Variants in DUOX2 observed in about 807,000 individuals in gnomAD.
DUOX2 encodes the protein dual oxidase 2.
In DUOX2, 185 loss-of-function variants were observed where a neutral mutation model predicts 183.3. The observed-to-expected ratio is 1.01, with a 90% CI of 0.90 to 1.14. The LOEUF is 1.14. Ranked by LOEUF, DUOX2 falls within the 50% of genes most tolerant of loss-of-function variation. DUOX2 has a pLI of 0.00. For synonymous variants in DUOX2, 788 were observed against 812.4 expected, an observed-to-expected ratio of 0.97 and a Z score of 0.51; for missense variants, 1,999 against 2,022.9, an observed-to-expected ratio of 0.99 and a Z score of 0.23.
chr15:45,102,719 C>T lies in DUOX2; in HGVS notation c.2655-730G>A, dbSNP rs1028121984. On this transcript the variant is annotated intron_variant, in intron 20 of 33. Coordinates refer to ENST00000389039, the MANE Select transcript of DUOX2 (RefSeq NM_001363711.2). ...GGAATTCACCAGGTGTGGTGGCTCA[C>T]GCCTGTAACCCTAGCACTTTAGGAG... Among the ~76,000 whole-genome samples, 6 of 152,196 alleles carry T rather than the reference C, an allele frequency of 3.9e-5. No individual in the cohort carries two copies. In the East Asian group the frequency reaches 5.8e-4, roughly 15 times the overall value.
At position 45,100,025 on chromosome 15, in the gene DUOX2, A is replaced by T. The variant is rs1420337669; in HGVS notation, c.3184+25T>A. On this transcript the variant is annotated intron_variant, in intron 24 of 33. Transcript: ENST00000389039. ...AAGGGTCAGAGCCTGCTCCCTACCCACTGCCCACAGCCTGGAACTCTTACA... is the reference window on the plus strand; with the variant it reads ...AAGGGTCAGAGCCTGCTCCCTACCCTCTGCCCACAGCCTGGAACTCTTACA... The T allele has an allele frequency of 2.5e-6, 4 of 1,614,042 alleles. No individual in the cohort carries two copies. The South Asian group carries it at 3.3e-5, about 13-fold the overall frequency.
At position 45,096,064 on chromosome 15, in the gene DUOX2, G is replaced by A. The variant is rs775841358; in HGVS notation, c.3848-4C>T. ...TGGAATTGCAGGTAGGTCACTCCTG[G>A]AGGTCATAGACAGGGAAAAGCACAG... is the stretch of plus-strand genomic sequence containing the variant. On this transcript the variant is annotated splice_region_variant and splice_polypyrimidine_tract_variant and intron_variant, in intron 29 of 33. Coordinates refer to ENST00000389039, the MANE Select transcript of DUOX2 (RefSeq NM_001363711.2). The A allele has an allele frequency of 6.2e-7, 1 of 1,612,688 alleles. No individual in the cohort carries two copies. Among genetic ancestry groups the A allele is most frequent in the Non-Finnish European group, 8.5e-7 (1 of 1,178,688 alleles).
At chr15:45,095,188 T>G (rs1057051157) in intron 31 of DUOX2, 97 bp from the exon 32 acceptor site, 1 of 1,503,840 alleles carries the variant, frequency 6.6e-7, no homozygotes, top group Non-Finnish European at 8.9e-7. Flanking sequence ...CCAGACCACC[T>G]GCAGACACCA....
At chr15:45,109,015 C>G in intron 11 of DUOX2, 63 bp from the exon 12 acceptor site, 1 of 1,596,280 alleles carries the variant, frequency 6.3e-7, no homozygotes, top group Non-Finnish European at 8.6e-7. Flanking sequence ...GCCCTGCAGC[C>G]TTGTATCTGA....
intron 9 of DUOX2, among the ~76,000 whole-genome samples, 169 bp from the exon 10 acceptor site, chr15:45,110,149 G>A (rs112599029): frequency 6.6e-6 from 1 of 152,090 alleles, no homozygotes; most frequent in African/African-American, 2.4e-5. Context: ...GATAGAGTGC[G>A]CTCCTAGTCC....
At chr15:45,109,847 C>A in intron 10 of DUOX2, 43 bp downstream of exon 10, 1 of 1,584,788 alleles carries the variant, frequency 6.3e-7, no homozygotes, top group South Asian at 1.1e-5. Context: ...TGTGAAGAGA[C>A]TGACCTTGAC....
intron 16 of DUOX2, 51 bp downstream of exon 16, chr15:45,106,477 G>A (rs1253481547): frequency 3.1e-6 from 5 of 1,601,534 alleles, no homozygotes; most frequent in Non-Finnish European, 4.3e-6. Flanking sequence ...CCAGACTCCT[G>A]TCTCTCCCCT....
intron 5 of DUOX2, 63 bp downstream of exon 5, chr15:45,111,705 G>A (rs1306815273): frequency 6.8e-6 from 10 of 1,469,382 alleles, no homozygotes; most frequent in Non-Finnish European, 9.0e-6. Flanking sequence ...GCCCTGCCAG[G>A]CCCGAAGCCC....
chr15:45,094,053 G>A lies in DUOX2; in HGVS notation c.*97C>T. 1.3e-6 allele frequency: 2 copies of A among 1,566,432 alleles called. No homozygotes were observed. The highest frequency in any genetic ancestry group is 8.8e-7 in the Non-Finnish European group (1 of 1,138,306). On this transcript the variant is annotated 3_prime_UTR_variant, in exon 34 of 34. Coordinates refer to ENST00000389039, the MANE Select transcript of DUOX2 (RefSeq NM_001363711.2). ...CTGCAGCCCTCCAGCTGAGGCCTAA[G>A]GTGGATTCTGATGGAGAGATTGCCA...
Position 45,096,041 on chromosome 15 carries a change from G to C in DUOX2, c.3867C>G (p.Phe1289Leu). The C allele has an allele frequency of 3.7e-6, 6 of 1,614,128 alleles. No homozygotes were observed. Among genetic ancestry groups the C allele is most frequent in the Non-Finnish European group, 5.1e-6 (6 of 1,179,992 alleles). The part of the protein sequence containing the change: ...LLPSGVTYLQ[F>L]QRPQGFEYKS... ...TGTACTCAAAGCCTTGGGGCCTCTG[G>C]AATTGCAGGTAGGTCACTCCTGGAG... Residue 1289 changes from phenylalanine to leucine, a missense_variant, in exon 30 of 34, where the codon TTC becomes TTG. By Grantham distance (22) the Phe-to-Leu change is conservative (BLOSUM62 0). This residue lies in a region of DUOX2 where 1,628 missense variants were observed against 1,608.6 expected (regional missense o/e 1.01). Transcript: ENST00000389039.
Position 45,094,093 on chromosome 15 carries a change from C to G in DUOX2, c.*57G>C. ...AGAGATTGCCAGCAGGGCTGGGCAACTTAGGTGCACAGAAGAGAAGGCAGG... is the reference window on the plus strand; with the variant it reads ...AGAGATTGCCAGCAGGGCTGGGCAAGTTAGGTGCACAGAAGAGAAGGCAGG... On this transcript the variant is annotated 3_prime_UTR_variant, in exon 34 of 34. Coordinates refer to ENST00000389039, the MANE Select transcript of DUOX2 (RefSeq NM_001363711.2). 1.2e-6 allele frequency: 2 copies of G among 1,613,818 alleles called. No homozygotes were observed. Among genetic ancestry groups the G allele is most frequent in the Non-Finnish European group, 1.7e-6 (2 of 1,179,904 alleles).
rs528916465 is a variant in DUOX2, at chr15:45,095,950, G to A, written c.3958C>T (p.Leu1320=). ...LGTTEYHPFT[L]TSAPHEDTLS... Reference sequence around the variant, plus strand: ...GTGTCCTCATGGGGCGCGGAGGTCAGTGTGAAGGGGTGGTACTCGGTGGTC... The same window carrying A: ...GTGTCCTCATGGGGCGCGGAGGTCAATGTGAAGGGGTGGTACTCGGTGGTC... Residue 1320 remains leucine (L), a synonymous_variant, in exon 30 of 34, where the codon CTG becomes TTG. Coordinates refer to ENST00000389039, the MANE Select transcript of DUOX2 (RefSeq NM_001363711.2). The A allele has an allele frequency of 5.0e-6, 8 of 1,614,118 alleles. No individual in the cohort carries two copies. Among genetic ancestry groups the A allele is most frequent in the East Asian group, 2.2e-5 (1 of 44,882 alleles).
Position 45,099,374 on chromosome 15 carries a change from A to G in DUOX2, c.3515+9T>C. On this transcript the variant is annotated intron_variant, in intron 26 of 33. Coordinates refer to ENST00000389039, the MANE Select transcript of DUOX2 (RefSeq NM_001363711.2). ...ATGAGTCCCAGGAGAAACCATCCCC[A>G]GAACTGACCCATCATTCACAAAGAC... 1.9e-6 allele frequency: 3 copies of G among 1,612,838 alleles called. No individual in the cohort carries two copies. In the East Asian group the frequency reaches 6.7e-5, roughly 36 times the overall value.
chr15:45,101,773 A>C lies in DUOX2; in HGVS notation c.2851+20T>G. ...GACACGCCCCCCCTCCCTGACGCCA[A>C]CCATTCCTCACACACTCACCATTTC... On this transcript the variant is annotated intron_variant, in intron 21 of 33. Coordinates refer to ENST00000389039, the MANE Select transcript of DUOX2 (RefSeq NM_001363711.2). The C allele has an allele frequency of 6.2e-7, 1 of 1,614,188 alleles. No homozygotes were observed. Among genetic ancestry groups the C allele is most frequent in the African/African-American group, 1.3e-5 (1 of 75,044 alleles).
rs755720208 is a variant in DUOX2, at chr15:45,097,219, G to A, written c.3847+19C>T. 7 of 1,614,100 alleles carry A rather than the reference G, an allele frequency of 4.3e-6. No homozygotes were observed. The South Asian group carries it at 4.4e-5, about 10-fold the overall frequency. ...TTGGCCTCTGTCGCTCCCGACCCAGGTCAGGCTGGGCCTGATACCTGAGGG... is the reference window on the plus strand; with the variant it reads ...TTGGCCTCTGTCGCTCCCGACCCAGATCAGGCTGGGCCTGATACCTGAGGG... On this transcript the variant is annotated intron_variant, in intron 29 of 33. Coordinates refer to ENST00000389039, the MANE Select transcript of DUOX2 (RefSeq NM_001363711.2).
intron 20 of DUOX2, 60 bp downstream of exon 20, chr15:45,103,890 TCTGACTGGAC>T: frequency 6.5e-7 from 1 of 1,549,330 alleles, no homozygotes; most frequent in Non-Finnish European, 8.9e-7. Flanking sequence ...CCAGCCCTCC[TCTGACTGGAC>T]CTGTTTTCCT....
Position 45,093,871 on chromosome 15 carries a change from G to C in DUOX2, c.*279C>G, listed in dbSNP as rs1000024283. ...GGAGATCCTGACTGGTTGCGCACTT[G>C]CTAAGGGCAGGAAGTCTGGAGGGCT... is the stretch of plus-strand genomic sequence containing the variant. On this transcript the variant is annotated 3_prime_UTR_variant, in exon 34 of 34. Transcript: ENST00000389039. The C allele has an allele frequency of 2.3e-6, 1 of 442,464 alleles. No homozygotes were observed. The highest frequency in any genetic ancestry group is 4.2e-6 in the Non-Finnish European group (1 of 238,360). The allele number at this position is 442,464 out of a possible 1,614,324, so 27.4% of individuals were successfully genotyped here. A position where few individuals can be genotyped will look rare whatever the true frequency, so the allele number is the denominator to read the frequency against.
chr15:45,102,081 T>C, intron 20 of DUOX2, 92 bp from the exon 21 acceptor site: 1 of 1,478,392 alleles, frequency 6.8e-7, no homozygotes, highest in Non-Finnish European at 9.3e-7. Context: ...TTATCTAATG[T>C]GGTTACCAGT....
chr15:45,101,078 T>C, intron 22 of DUOX2, 127 bp downstream of exon 22: 1 of 863,348 alleles, frequency 1.2e-6, no homozygotes, highest in South Asian at 1.4e-5. Context: ...ATGTTTGTGC[T>C]ACCATGAGCT....
Sources: gnomAD v4.1 joint callset for allele counts (sites outside exome capture counted in the v4.1 genomes callset) on GRCh38, gnomAD v4.1.1 for gene constraint, gnomAD v4.1.1 regional missense constraint, MANE v1.5 for transcripts, NCBI Gene and HGNC (gene_info 2026-07-23, HGNC 2026-07-21) for gene names.